The following ACADVL variants were observed in gnomAD, a reference collection of about 807,000 sequenced individuals.
ACADVL encodes very long-chain acyl-CoA dehydrogenase, mitochondrial.
In ACADVL, 73 loss-of-function variants were observed where a neutral mutation model predicts 80.4. The observed-to-expected ratio is 0.91, with a 90% CI of 0.75 to 1.10. ACADVL has a LOEUF of 1.10. Among genes scored for constraint, ACADVL ranks in the 50% least tolerant of loss-of-function variants. ACADVL has a pLI of 0.00. For missense variants in ACADVL, 878 were observed against 858.9 expected (o/e 1.02, Z -0.28); for synonymous variants, 392 against 326.5 (o/e 1.20, Z -2.16).
At chr17:7,219,874 G>T (rs1567559067), upstream of ACADVL, 5 of 1,540,196 alleles carry the variant, frequency 3.2e-6, 1 homozygote, top group Admixed American at 5.9e-5. Context: ...ACCGTCCGCC[G>T]CCCGGTGCAC....
upstream of ACADVL, chr17:7,217,684 C>G: frequency 1.3e-6 from 2 of 1,521,488 alleles, no homozygotes; most frequent in Middle Eastern, 3.6e-4. Context: ...GGGGGGGTGC[C>G]TTGGCAGAGT....
In ACADVL at chr17:7,225,184, G is replaced by A. The variant is rs1268770686; in HGVS notation, c.*87G>A. On this transcript the variant is annotated 3_prime_UTR_variant, in exon 20 of 20. Transcript: ENST00000356839. ...TTTCCTTAAGGCCCTGGTTTGTCCC[G>A]AAGGGGCCTAGTGTTCCCAGCACTG... 1.3e-5 allele frequency: 20 copies of A among 1,582,602 alleles called. No individual in the cohort carries two copies. The highest frequency in any genetic ancestry group is 3.3e-5 in the South Asian group (3 of 90,272).
chr17:7,222,630 G>C, intron 9 of ACADVL, 37 bp from the exon 10 acceptor site: 1 of 1,578,592 alleles, frequency 6.3e-7, no homozygotes, highest in South Asian at 1.1e-5. Context: ...ACAACCTGTT[G>C]AACACACCTC....
intron 12 of ACADVL, 37 bp from the exon 13 acceptor site, chr17:7,223,776 G>A (rs2071343422): frequency 6.2e-7 from 1 of 1,614,080 alleles, no homozygotes; most frequent in Non-Finnish European, 8.5e-7. Flanking sequence ...TGGGTGCTCA[G>A]CTCCCAAAAC....
In ACADVL at chr17:7,220,542, G is replaced by C. The variant is rs990837045; in HGVS notation, c.204+13G>C. The C allele has an allele frequency of 6.2e-7, 1 of 1,614,206 alleles. No homozygotes were observed. The highest frequency in any genetic ancestry group is 1.3e-5 in the African/African-American group (1 of 75,068). ...ACCGGCCAAGGCGGTAGGTAGCCCC[G>C]AGGCCAGGTGGACCTTAGCCAGACC... On this transcript the variant is annotated intron_variant, in intron 3 of 19. Transcript: ENST00000356839.
At chr17:7,218,818 C>A, upstream of ACADVL, 1 of 1,613,794 alleles carries the variant, frequency 6.2e-7, no homozygotes, top group South Asian at 1.1e-5. Flanking sequence ...CCACAAGGAG[C>A]CCTGTTTTTC....
chr17:7,217,519 G>C (rs2070980274), upstream of ACADVL: 3 of 378,928 alleles, frequency 7.9e-6, no homozygotes, highest in African/African-American at 9.0e-5. Flanking sequence ...GGGGGGTCTT[G>C]CCAAACGGCC....
chr17:7,219,198 G>T, upstream of ACADVL: 1 of 351,850 alleles, frequency 2.8e-6, no homozygotes, highest in Non-Finnish European at 5.1e-6. Context: ...AAATTGTTTG[G>T]GACTTCCTGC....
At position 7,224,399 on chromosome 17, in the gene ACADVL, T is replaced by C. The variant is rs17671352; in HGVS notation, c.1605+6T>C. Reference sequence around the variant, plus strand: ...TGAGTCGGAGTGGCGAGCTGGTAAGTGGCCAGGGGTCCAGGAGAGCCTGCA... The same window carrying C: ...TGAGTCGGAGTGGCGAGCTGGTAAGCGGCCAGGGGTCCAGGAGAGCCTGCA... On this transcript the variant is annotated splice_donor_region_variant and intron_variant, in intron 16 of 19. Transcript: ENST00000356839. 986,389 of 1,613,062 alleles carry C rather than the reference T, an allele frequency of 0.61. 304,726 individuals carry two copies. The highest frequency in any genetic ancestry group is 0.69 in the Middle Eastern group (4,207 of 6,060).
intron 11 of ACADVL, 47 bp from the exon 12 acceptor site, chr17:7,223,595 CAA>C: frequency 6.2e-7 from 1 of 1,602,730 alleles, no homozygotes; most frequent in South Asian, 1.1e-5. Context: ...CCAAGTCTGA[CAA>C]AGCCCTTTGC....
At position 7,222,204 on chromosome 17, in the gene ACADVL, G is replaced by A. The variant is rs140871321; in HGVS notation, c.780G>A (p.Thr260=). The A allele has an allele frequency of 2.1e-4, 345 of 1,614,066 alleles. No individual in the cohort carries two copies. In the African/African-American group the frequency reaches 2.5e-3, roughly 12 times the overall value. The change falls in exon 9 of 20, where the codon ACG becomes ACA. Residue 260 remains threonine, a synonymous_variant. Transcript: ENST00000356839. ...ATGGGGGCCTAGCAGACATCTTCACGGTCTTTGCCAAGACACCAGTTACAG... is the reference window on the plus strand; with the variant it reads ...ATGGGGGCCTAGCAGACATCTTCACAGTCTTTGCCAAGACACCAGTTACAG... ...ISNGGLADIF[T]VFAKTPVTDP...
rs756867868 is a variant in ACADVL, at chr17:7,224,205, T to G, written c.1494T>G (p.Ala498=). The G allele has an allele frequency of 4.3e-6, 7 of 1,614,106 alleles. No individual in the cohort carries two copies. Among genetic ancestry groups the G allele is most frequent in the Middle Eastern group, 3.3e-4 (2 of 6,062 alleles). The stretch of plus-strand genomic sequence containing the variant: ...CTCTAAAGAATCCCTTTGGGAATGC[T>G]GGCCTCCTGCTAGGAGAGGCAGGCA... ...GSALKNPFGN[A]GLLLGEAGKQ... The change falls in exon 15 of 20, where the codon GCT becomes GCG. Residue 498 remains alanine, a synonymous_variant. Coordinates refer to ENST00000356839, the MANE Select transcript of ACADVL (RefSeq NM_000018.4).
chr17:7,217,255 CA>C (rs2070962057), upstream of ACADVL: 3 of 1,226,582 alleles, frequency 2.4e-6, no homozygotes, highest in African/African-American at 3.2e-5. Flanking sequence ...CCCACTTTTG[CA>C]GGGGGGGCCA....
At chr17:7,224,458 C>A in intron 16 of ACADVL, 22 bp from the exon 17 acceptor site, 1 of 1,613,816 alleles carries the variant, frequency 6.2e-7, no homozygotes, top group Non-Finnish European at 8.5e-7. Flanking sequence ...CTCTGAGCCC[C>A]GCACTGTCCC....
chr17:7,218,214 G>C (rs1373106894), upstream of ACADVL: 1 of 1,599,198 alleles, frequency 6.3e-7, no homozygotes, highest in Non-Finnish European at 8.5e-7. Flanking sequence ...CCCTCAGGAA[G>C]TTAGGCGCTC....
intron 11 of ACADVL, 153 bp from the exon 12 acceptor site, chr17:7,223,490 AT>A (rs2071331165): frequency 1.1e-6 from 1 of 922,694 alleles, no homozygotes; most frequent in African/African-American, 1.6e-5. Context: ...AAGAAAACAA[AT>A]ACCTGGAAGC....
At chr17:7,218,759 A>G (rs2071052481), upstream of ACADVL, 4 of 1,593,410 alleles carry the variant, frequency 2.5e-6, no homozygotes, top group Admixed American at 6.7e-5. Context: ...AGATTTGGGG[A>G]GAAGGATCTC....
At chr17:7,220,096 C>A in intron 1 of ACADVL, 26 bp from the exon 2 acceptor site, 1 of 1,589,944 alleles carries the variant, frequency 6.3e-7, no homozygotes. Flanking sequence ...GGCACCGGGC[C>A]GGCACTGAAC....
At chr17:7,221,713 G>T in intron 7 of ACADVL, 31 bp downstream of exon 7, 1 of 1,613,260 alleles carries the variant, frequency 6.2e-7, no homozygotes, top group South Asian at 1.1e-5. Context: ...CCAGGGATTG[G>T]GGGGCACACT....
Sources: gnomAD v4.1 joint callset for allele counts on GRCh38, gnomAD v4.1.1 for gene constraint, MANE v1.5 for transcripts, NCBI Gene and HGNC (gene_info 2026-07-23, HGNC 2026-07-21) for gene names.